The following ARHGEF38 variants were observed in gnomAD, a reference collection of about 807,000 sequenced individuals.
The protein encoded by ARHGEF38 is Rho guanine nucleotide exchange factor 38.
Under a neutral mutation model 79.9 loss-of-function variants are expected in ARHGEF38, and 79 were observed. The ratio of observed to expected loss-of-function variants is 0.99; its 90% confidence interval spans 0.82 to 1.19. The LOEUF is 1.19. ARHGEF38 is among the 50% of genes most tolerant of loss of function. The probability of loss-of-function intolerance (pLI) is 0.00; values close to 1 mark genes in which losing one functional copy is unlikely to be tolerated. For synonymous variants in ARHGEF38, 366 were observed against 328.3 expected, an observed-to-expected ratio of 1.11 and a Z score of -1.24; for missense variants, 962 against 907.2, an observed-to-expected ratio of 1.06 and a Z score of -0.78.
At chr4:105,596,695 G>A (rs1397550109) in intron 2 of ARHGEF38, among the ~76,000 whole-genome samples, 1 of 152,150 alleles carries the variant, frequency 6.6e-6, no homozygotes, top group Non-Finnish European at 1.5e-5. Context: ...CTTCACCAGA[G>A]TGAGCCCATT....
At chr4:105,603,521 C>G (rs1422432966) in intron 2 of ARHGEF38, among the ~76,000 whole-genome samples, 1 of 152,092 alleles carries the variant, frequency 6.6e-6, no homozygotes. Flanking sequence ...TCAGGCTATT[C>G]CCATGATGGT....
downstream of ARHGEF38, among the ~76,000 whole-genome samples, chr4:105,682,025 T>C (rs868666543): frequency 6.6e-6 from 1 of 152,154 alleles, no homozygotes; most frequent in African/African-American, 2.4e-5. Flanking sequence ...GAATCAAAAT[T>C]CAACATTTAT....
At chr4:105,559,062 C>A (rs1401840262) in intron 1 of ARHGEF38, among the ~76,000 whole-genome samples, 1 of 143,964 alleles carries the variant, frequency 6.9e-6, no homozygotes, top group African/African-American at 2.5e-5. Flanking sequence ...AAAAAAAAAA[C>A]CTCTGTTTAC....
chr4:105,589,765 G>T (rs1340346785), intron 2 of ARHGEF38, among the ~76,000 whole-genome samples: 1 of 152,170 alleles, frequency 6.6e-6, no homozygotes. Context: ...GGGTGCTGTG[G>T]CTCATGCCTG....
rs1429115779 is a variant in ARHGEF38, at chr4:105,659,208, A to G, written c.1388A>G (p.Lys463Arg). ...RSTGEESDLA[K>R]KEYEALNAQL... ...ACGGGAGAGGAGTCAGACTTGGCCA[A>G]AAAGGAGTATGAGGCCCTCAACGCC... Residue 463 changes from lysine to arginine, a missense_variant, in exon 10 of 14, where the codon AAA (lysine) becomes AGA (arginine). Lys to Arg is a conservative substitution (Grantham distance 26). Coordinates refer to ENST00000420470, the MANE Select transcript of ARHGEF38 (RefSeq NM_001242729.2). 8 of 1,536,028 alleles carry G rather than the reference A, an allele frequency of 5.2e-6. No homozygotes were observed. The East Asian group carries it at 1.7e-4, about 33-fold the overall frequency.
intron 5 of ARHGEF38, among the ~76,000 whole-genome samples, chr4:105,637,649 A>C (rs931288524): frequency 6.6e-6 from 1 of 152,146 alleles, no homozygotes; most frequent in Non-Finnish European, 1.5e-5. Flanking sequence ...GAGTGGTTAG[A>C]GAGGAACTTC....
chr4:105,659,093 G>A lies in ARHGEF38; in HGVS notation c.1273G>A (p.Ala425Thr), dbSNP rs1560753680. 6.5e-7 allele frequency: 1 copy of A among 1,536,082 alleles called. No individual in the cohort carries two copies. The highest frequency in any genetic ancestry group is 8.7e-7 in the Non-Finnish European group (1 of 1,146,844). ...GAGACTCATCCTGACCCCCTTGTCA[G>A]CCCTGCTGTCCTTATTCCCAGGGCC... ...LQRLILTPLS[A>T]LLSLFPGPHK... Residue 425 changes from alanine (A) to threonine (T), a missense_variant, in exon 10 of 14, where the codon GCC becomes ACC. Coordinates refer to ENST00000420470, the MANE Select transcript of ARHGEF38 (RefSeq NM_001242729.2).
intron 1 of ARHGEF38, among the ~76,000 whole-genome samples, chr4:105,573,616 C>T (rs546668334): frequency 1.7e-4 from 26 of 152,196 alleles, no homozygotes; most frequent in Non-Finnish European, 3.4e-4. Context: ...ATGTTGATTT[C>T]CTGTAACTTT....
At chr4:105,613,226 A>G (rs944921757) in intron 2 of ARHGEF38, among the ~76,000 whole-genome samples, 158 bp from the exon 3 acceptor site, 4 of 150,512 alleles carry the variant, frequency 2.7e-5, no homozygotes, top group Admixed American at 6.6e-5. Flanking sequence ...AATTTCTTGG[A>G]AAAAAAAACT....
chr4:105,666,973 C>G (rs939399083), intron 11 of ARHGEF38, among the ~76,000 whole-genome samples, 156 bp from the exon 12 acceptor site: 1 of 152,114 alleles, frequency 6.6e-6, no homozygotes, highest in Admixed American at 6.5e-5. Context: ...GGGTACTTTA[C>G]GATAATAGCC....
rs932561069 is a variant in ARHGEF38 at position 105,667,686 on chromosome 4, CAAG to C, written c.2135_2137del (p.Glu712del). 23 of 1,536,138 alleles carry C rather than the reference CAAG, an allele frequency of 1.5e-5. No individual in the cohort carries two copies. In the African/African-American group the frequency reaches 3.1e-4, roughly 21 times the overall value. ...AAATGGTACTGATGTTGACAGTTTT[CAAG>C]AAGTAGACGAACAGGTAAAAATTTG... On this transcript the variant is annotated inframe_deletion, in exon 13 of 14. Coordinates refer to ENST00000420470, the MANE Select transcript of ARHGEF38 (RefSeq NM_001242729.2).
chr4:105,586,109 T>C (rs1727033597), intron 1 of ARHGEF38, among the ~76,000 whole-genome samples: 1 of 152,024 alleles, frequency 6.6e-6, no homozygotes, highest in Admixed American at 6.6e-5. Context: ...GGCAATATTG[T>C]TGAGTTCCAA....
chr4:105,669,571 C>CT (rs577788846), intron 13 of ARHGEF38, among the ~76,000 whole-genome samples: 161 of 145,156 alleles, frequency 1.1e-3, no homozygotes, highest in South Asian at 4.8e-3. Context: ...TTCATGACTT[C>CT]TTTTTTTTTT....
intron 13 of ARHGEF38, among the ~76,000 whole-genome samples, chr4:105,677,166 C>A (rs1347410397): frequency 6.6e-6 from 1 of 151,956 alleles, no homozygotes; most frequent in African/African-American, 2.4e-5. Flanking sequence ...GGTTTCACCA[C>A]GTTGGTCATG....
At position 105,659,131 on chromosome 4, in the gene ARHGEF38, C is replaced by G. The variant is rs778117362; in HGVS notation, c.1311C>G (p.Ile437Met). Reference protein sequence around the residue: ...LSLFPGPHKLIQKRYDKLLDC... With the variant: ...LSLFPGPHKLMQKRYDKLLDC... The stretch of plus-strand genomic sequence containing the variant: ...TATTCCCAGGGCCTCACAAGCTCAT[C>G]CAGAAACGCTATGACAAACTGCTGG... Residue 437 changes from isoleucine to methionine, a missense_variant, in exon 10 of 14, where the codon ATC (isoleucine) becomes ATG (methionine). Ile to Met is a conservative substitution (Grantham distance 10). Transcript: ENST00000420470. 3.9e-6 allele frequency: 6 copies of G among 1,536,182 alleles called. No homozygotes were observed. The South Asian group carries it at 7.1e-5, about 18-fold the overall frequency.
chr4:105,682,052 G>A (rs181581459), downstream of ARHGEF38, among the ~76,000 whole-genome samples: 6 of 152,234 alleles, frequency 3.9e-5, no homozygotes, highest in East Asian at 1.2e-3. Context: ...CTATGTGCAT[G>A]TATTACATTG....
At chr4:105,593,455 T>C (rs939948439) in intron 2 of ARHGEF38, among the ~76,000 whole-genome samples, 1 of 152,064 alleles carries the variant, frequency 6.6e-6, no homozygotes, top group Non-Finnish European at 1.5e-5. Flanking sequence ...GGAGGATCAC[T>C]TGAGCCCAGG....
chr4:105,594,411 A>G (rs114097073), intron 2 of ARHGEF38, among the ~76,000 whole-genome samples: 2,115 of 152,312 alleles, frequency 0.014, 58 homozygotes, highest in African/African-American at 0.048. Flanking sequence ...TTTTCAGATA[A>G]CTATAGCAAT....
In ARHGEF38 at chr4:105,572,515, C is replaced by T. The variant is rs148941895; in HGVS notation, c.197-16733C>T. ...CTCTTTTCATCTTGTAAAAATGAAA[C>T]TCTGTAACTATTAAACAATAACTCT... On this transcript the variant is annotated intron_variant, in intron 1 of 13. Coordinates refer to ENST00000420470, the MANE Select transcript of ARHGEF38 (RefSeq NM_001242729.2). Among the ~76,000 whole-genome samples, 427 of 152,256 alleles carry T rather than the reference C, an allele frequency of 2.8e-3. 4 individuals carry two copies. Among genetic ancestry groups the T allele is most frequent in the Admixed American group, 8.0e-3 (123 of 15,280 alleles).
Sources: allele counts gnomAD v4.1 joint callset (sites outside exome capture counted in the v4.1 genomes callset), GRCh38; gene constraint gnomAD v4.1.1; transcripts MANE v1.5; gene names NCBI Gene and HGNC (gene_info 2026-07-23, HGNC 2026-07-21).